Variants in OR2L13 observed in about 807,000 individuals in gnomAD.
The protein encoded by OR2L13 is olfactory receptor 2L13.
A neutral mutation model predicts 15.3 loss-of-function variants in OR2L13; 14 were observed. The ratio of observed to expected loss-of-function variants is 0.91; its 90% CI spans 0.60 to 1.43. The LOEUF (loss-of-function observed/expected upper bound fraction) is 1.43, where lower values mean the gene tolerates loss of function less well. OR2L13 is among the 40% of genes most tolerant of loss of function. The pLI, the probability that OR2L13 is intolerant of heterozygous loss-of-function variation, is 0.00. For synonymous variants in OR2L13, 152 were observed against 142.9 expected, an observed-to-expected ratio of 1.06 and a Z score of -0.45; for missense variants, 367 against 387.9, an observed-to-expected ratio of 0.95 and a Z score of 0.45.
the OR2L13 span, among the ~76,000 whole-genome samples, chr1:247,954,679 A>T: frequency 6.6e-6 from 1 of 151,994 alleles, no homozygotes; most frequent in Non-Finnish European, 1.5e-5. Context: ...CAAAATTAGT[A>T]ACTTATTTCA....
the OR2L13 span, among the ~76,000 whole-genome samples, chr1:248,049,339 T>C: frequency 0.16 from 24,766 of 152,204 alleles, 2,275 homozygotes; most frequent in East Asian, 0.32. Flanking sequence ...AATGCAATGA[T>C]GCTTTTTGAC....
At chr1:248,041,270 A>G in the OR2L13 span, 3 of 152,172 alleles carry the variant, frequency 2.0e-5, no homozygotes, top group Non-Finnish European at 2.9e-5. Context: ...AGGATTCCCT[A>G]TTTAATAAAT....
chr1:248,063,964 T>G, the OR2L13 span, among the ~76,000 whole-genome samples: 1 of 152,192 alleles, frequency 6.6e-6, no homozygotes, highest in African/African-American at 2.4e-5. Context: ...GAGATGAAAT[T>G]ATTAAATATT....
At chr1:248,019,934 C>T in the OR2L13 span, among the ~76,000 whole-genome samples, 13 of 152,016 alleles carry the variant, frequency 8.6e-5, no homozygotes, top group Admixed American at 2.0e-4. Flanking sequence ...ACTACTGGTG[C>T]GAGCCACCAC....
chr1:248,099,731 A>G, exon 3 of OR2L13: 1 of 1,614,142 alleles, frequency 6.2e-7, no homozygotes, highest in African/African-American at 1.3e-5. Flanking sequence ...TCCATGGCCT[A>G]CGACCGTTAT....
At chr1:247,945,398 T>C in the OR2L13 span, among the ~76,000 whole-genome samples, 257 of 152,238 alleles carry the variant, frequency 1.7e-3, 1 homozygote, top group African/African-American at 6.1e-3. Flanking sequence ...ATTTATTTTG[T>C]ATTTGCTGAG....
the OR2L13 span, among the ~76,000 whole-genome samples, chr1:247,985,733 A>C: frequency 6.6e-6 from 1 of 150,930 alleles, no homozygotes; most frequent in African/African-American, 2.4e-5. Context: ...CCAACAGTGT[A>C]AAAATGTTTC....
chr1:248,050,659 T>C, the OR2L13 span, among the ~76,000 whole-genome samples: 1 of 152,156 alleles, frequency 6.6e-6, no homozygotes. Flanking sequence ...CTTGGACAGT[T>C]TGTCATAGAG....
At chr1:248,003,083 T>C in the OR2L13 span, 16 of 931,592 alleles carry the variant, frequency 1.7e-5, no homozygotes, top group East Asian at 3.8e-4. Flanking sequence ...TGAATTTCTG[T>C]CTTAACTTAC....
the OR2L13 span, chr1:247,975,392 T>A: frequency 2.5e-5 from 16 of 651,326 alleles, no homozygotes; most frequent in South Asian, 2.5e-4. Flanking sequence ...CTCCTTACTG[T>A]CTACCACATT....
chr1:248,054,455 G>C, the OR2L13 span, among the ~76,000 whole-genome samples: 1 of 151,994 alleles, frequency 6.6e-6, no homozygotes, highest in Non-Finnish European at 1.5e-5. Flanking sequence ...TTTTAAAATA[G>C]TTCTTTTTTT....
exon 3 of OR2L13, chr1:248,099,665 G>T: frequency 6.2e-7 from 1 of 1,614,138 alleles, no homozygotes; most frequent in Non-Finnish European, 8.5e-7. Flanking sequence ...CTGGGATGTG[G>T]TGTGCAAAGC....
the OR2L13 span, chr1:248,061,536 C>A: frequency 6.8e-6 from 11 of 1,613,912 alleles, no homozygotes; most frequent in Non-Finnish European, 9.3e-6. Flanking sequence ...CAATGCTCAA[C>A]CCCATCATCT....
At chr1:248,054,774 T>C in the OR2L13 span, among the ~76,000 whole-genome samples, 8 of 152,338 alleles carry the variant, frequency 5.3e-5, no homozygotes, top group South Asian at 1.7e-3. Flanking sequence ...TTGCTTGAGA[T>C]TTCTGCACAT....
chr1:248,099,596 C>T, exon 3 of OR2L13: 1 of 1,613,990 alleles, frequency 6.2e-7, no homozygotes, highest in Non-Finnish European at 8.5e-7. Context: ...ATGTACATCT[C>T]CACCACCGTC....
At chr1:248,043,943 G>T in the OR2L13 span, among the ~76,000 whole-genome samples, 4 of 152,110 alleles carry the variant, frequency 2.6e-5, no homozygotes, top group African/African-American at 7.2e-5. Flanking sequence ...GAAAAATTAA[G>T]AATGCCTTTG....
chr1:248,084,687 T>TC, the OR2L13 span: 202 of 1,492,668 alleles, frequency 1.4e-4, no homozygotes, highest in Non-Finnish European at 1.6e-4. Context: ...CTCTTTTTTT[T>TC]CATAGAAAAT....
chr1:247,952,903 G>T, the OR2L13 span, among the ~76,000 whole-genome samples: 1 of 152,014 alleles, frequency 6.6e-6, no homozygotes, highest in Non-Finnish European at 1.5e-5. Context: ...AAACAATATG[G>T]GTGCCTTGTA....
the OR2L13 span, among the ~76,000 whole-genome samples, chr1:247,960,419 C>G: frequency 6.6e-6 from 1 of 152,208 alleles, no homozygotes; most frequent in South Asian, 2.1e-4. Flanking sequence ...TCTGTCTGTT[C>G]TCAGATCTTC....
Sources: allele counts gnomAD v4.1 joint callset (sites outside exome capture counted in the v4.1 genomes callset), GRCh38; gene constraint gnomAD v4.1.1; transcripts MANE v1.5; gene names NCBI Gene and HGNC (gene_info 2026-07-23, HGNC 2026-07-21).